PPARGC1A: variants seen among roughly 807,000 people sequenced by gnomAD.
The protein encoded by PPARGC1A is peroxisome proliferator-activated receptor gamma coactivator 1-alpha.
In PPARGC1A, 25 loss-of-function variants were observed where a neutral mutation model predicts 88.7. That is an observed-to-expected ratio of 0.28 (90% CI 0.21 to 0.39). The LOEUF (loss-of-function observed/expected upper bound fraction) is 0.39, where lower values mean the gene tolerates loss of function less well. Among genes scored for constraint, PPARGC1A ranks in the 10% least tolerant of loss-of-function variants. The pLI is 1.00. For synonymous variants in PPARGC1A, 363 were observed against 355.6 expected (o/e 1.02, Z -0.24); for missense variants, 880 against 968.7 (o/e 0.91, Z 1.22).
At chr4:23,808,000 TGAGCACTTTGGGAGGCC>T (rs1720156990) in intron 10 of PPARGC1A, among the ~76,000 whole-genome samples, 3 of 152,028 alleles carry the variant, frequency 2.0e-5, no homozygotes, top group Non-Finnish European at 4.4e-5. Context: ...AGAATAACTC[TGAGCACTTTGGGAGGCC>T]GAGGTGGGCA....
At chr4:23,869,701 T>C (rs1426858659) in intron 2 of PPARGC1A, among the ~76,000 whole-genome samples, 4 of 152,038 alleles carry the variant, frequency 2.6e-5, no homozygotes, top group Non-Finnish European at 4.4e-5. Flanking sequence ...TTAGTCTCTG[T>C]AGTGATATTA....
At chr4:24,272,077 CCT>C in the PPARGC1A span, among the ~76,000 whole-genome samples, 5 of 152,180 alleles carry the variant, frequency 3.3e-5, no homozygotes, top group East Asian at 9.7e-4. Flanking sequence ...TGGGTTTTCT[CCT>C]CTGTTTACTC....
the PPARGC1A span, among the ~76,000 whole-genome samples, chr4:24,147,522 T>C: frequency 6.6e-6 from 1 of 152,130 alleles, no homozygotes; most frequent in Non-Finnish European, 1.5e-5. Context: ...TGAATTACTC[T>C]ATCACCCTGG....
the PPARGC1A span, among the ~76,000 whole-genome samples, chr4:24,180,753 T>C: frequency 2.0e-5 from 3 of 152,194 alleles, no homozygotes; most frequent in Admixed American, 2.0e-4. Flanking sequence ...GCTGTGAAAC[T>C]CCTCAAAGTT....
Position 23,802,278 on chromosome 4 carries a change from C to T in PPARGC1A, c.2087G>A (p.Arg696His), listed in dbSNP as rs1401455175. The stretch of plus-strand genomic sequence containing the variant: ...CTCAATTTCACCAAAAACTTCAAAA[C>T]GGTCCCTCAGTTCTGTCCGTGTTGT... ...PDTTRTELRD[R>H]FEVFGEIEEC... is the part of the protein sequence containing the mutation. The change falls in exon 11 of 13, where the codon CGT (arginine) becomes CAT (histidine). Residue 696 changes from arginine to histidine, a missense_variant. Arg to His is a conservative substitution (Grantham distance 29). Coordinates refer to ENST00000264867, the MANE Select transcript of PPARGC1A (RefSeq NM_013261.5). 10 of 1,613,664 alleles carry T rather than the reference C, an allele frequency of 6.2e-6. No individual in the cohort carries two copies. Among genetic ancestry groups the T allele is most frequent in the Admixed American group, 1.7e-5 (1 of 59,968 alleles).
chr4:24,298,642 C>T, the PPARGC1A span, among the ~76,000 whole-genome samples: 1 of 152,086 alleles, frequency 6.6e-6, no homozygotes, highest in Non-Finnish European at 1.5e-5. Flanking sequence ...ACTACAAGTA[C>T]CAAGATTCTA....
At chr4:24,437,905 G>C in the PPARGC1A span, among the ~76,000 whole-genome samples, 1 of 152,042 alleles carries the variant, frequency 6.6e-6, no homozygotes, top group Non-Finnish European at 1.5e-5. Context: ...TCGAACTCCT[G>C]ACCACAGGTG....
chr4:24,350,302 C>G, the PPARGC1A span, among the ~76,000 whole-genome samples: 1 of 152,168 alleles, frequency 6.6e-6, no homozygotes, highest in East Asian at 1.9e-4. Flanking sequence ...ACGGCGCCCC[C>G]TGGGAAATGC....
At chr4:23,983,946 TCTC>T in the PPARGC1A span, among the ~76,000 whole-genome samples, 302 of 152,156 alleles carry the variant, frequency 2.0e-3, no homozygotes, top group African/African-American at 7.1e-3. Flanking sequence ...AACACAGTAT[TCTC>T]CTACCATTTT....
At chr4:23,956,539 A>G in the PPARGC1A span, among the ~76,000 whole-genome samples, 34 of 152,100 alleles carry the variant, frequency 2.2e-4, no homozygotes, top group Non-Finnish European at 4.9e-4. Flanking sequence ...TTCTGCCACT[A>G]AAATATCTCT....
At chr4:24,018,456 G>C in the PPARGC1A span, among the ~76,000 whole-genome samples, 14 of 152,174 alleles carry the variant, frequency 9.2e-5, no homozygotes, top group South Asian at 2.5e-3. Context: ...TAATTCAGAG[G>C]GTAGATGGGT....
the PPARGC1A span, among the ~76,000 whole-genome samples, chr4:24,193,180 A>G: frequency 6.6e-6 from 1 of 152,230 alleles, no homozygotes; most frequent in Non-Finnish European, 1.5e-5. Context: ...TTTGTTTAAC[A>G]TGCATTTATC....
chr4:24,400,645 T>C, the PPARGC1A span, among the ~76,000 whole-genome samples: 1 of 152,232 alleles, frequency 6.6e-6, no homozygotes, highest in Non-Finnish European at 1.5e-5. Context: ...AGCAATGACA[T>C]TGACACACTT....
At chr4:24,185,473 T>C in the PPARGC1A span, among the ~76,000 whole-genome samples, 3 of 152,186 alleles carry the variant, frequency 2.0e-5, no homozygotes, top group Non-Finnish European at 2.9e-5. Flanking sequence ...TGCAGTATTC[T>C]GAACATACAC....
At chr4:24,099,134 A>C in the PPARGC1A span, among the ~76,000 whole-genome samples, 2 of 151,668 alleles carry the variant, frequency 1.3e-5, no homozygotes, top group South Asian at 4.2e-4. Context: ...TCCTTTAAAG[A>C]CTATCTGAAG....
At chr4:23,865,708 C>T (rs1711789643) in intron 2 of PPARGC1A, among the ~76,000 whole-genome samples, 1 of 152,164 alleles carries the variant, frequency 6.6e-6, no homozygotes, top group Non-Finnish European at 1.5e-5. Flanking sequence ...ATAATATGAA[C>T]TCAAGAAATA....
chr4:24,407,122 A>C, the PPARGC1A span, among the ~76,000 whole-genome samples: 1 of 152,270 alleles, frequency 6.6e-6, no homozygotes, highest in Non-Finnish European at 1.5e-5. Flanking sequence ...AGGCCTCCAA[A>C]GTCTTCACGA....
the PPARGC1A span, among the ~76,000 whole-genome samples, chr4:24,036,990 AG>A: frequency 6.6e-6 from 1 of 152,194 alleles, no homozygotes; most frequent in Admixed American, 6.5e-5. Context: ...AGAGTTTACA[AG>A]CATGTCTCAA....
chr4:24,402,262 C>T, the PPARGC1A span, among the ~76,000 whole-genome samples: 1 of 152,182 alleles, frequency 6.6e-6, no homozygotes, highest in African/African-American at 2.4e-5. Context: ...CCTCAGGGTT[C>T]TTGGACTCTG....
Sources: gnomAD v4.1 joint callset for allele counts (sites outside exome capture counted in the v4.1 genomes callset) on GRCh38, gnomAD v4.1.1 for gene constraint, MANE v1.5 for transcripts, NCBI Gene and HGNC (gene_info 2026-07-23, HGNC 2026-07-21) for gene names.